Variants in MAB21L4 observed in about 807,000 individuals in gnomAD.
MAB21L4 encodes mab-21 like 4.
A neutral mutation model predicts 32.4 loss-of-function variants in MAB21L4; 25 were observed. The ratio of observed to expected loss-of-function variants is 0.77; its 90% CI spans 0.56 to 1.08. The LOEUF (loss-of-function observed/expected upper bound fraction) is 1.08, where lower values mean the gene tolerates loss of function less well. Ranked by LOEUF, MAB21L4 falls within the 50% of genes least tolerant of loss-of-function variation. MAB21L4 has a pLI of 0.00. For missense variants in MAB21L4, 638 were observed against 611.0 expected (o/e 1.04, Z -0.47); for synonymous variants, 280 against 276.8 (o/e 1.01, Z -0.11).
intron 1 of MAB21L4, among the ~76,000 whole-genome samples, chr2:240,893,760 C>CTCTCTGGGGGCGTGAGGAGCT (rs1295732981): frequency 3.9e-5 from 6 of 152,212 alleles, no homozygotes; most frequent in African/African-American, 1.4e-4. Context: ...CGTGAGGAGC[C>CTCTCTGGGGGCGTGAGGAGCT]TGGCGGCTTA....
Position 240,887,074 on chromosome 2 carries a change from C to T in MAB21L4, c.1340G>A (p.Ser447Asn). Reference sequence around the variant, plus strand: ...GCTGAGACCAGGTGGCCCAGCTCAGCTCTCCTCGCCTCCCAGAGTCCTGGT... The same window carrying T: ...GCTGAGACCAGGTGGCCCAGCTCAGTTCTCCTCGCCTCCCAGAGTCCTGGT... ...QKTRTLGGEE[S>N] Residue 447 changes from serine (S) to asparagine (N), a missense_variant, in exon 5 of 5, where the codon AGC becomes AAC. Ser to Asn is a conservative substitution (Grantham distance 46, BLOSUM62 1). Coordinates refer to ENST00000388934, the MANE Select transcript of MAB21L4 (RefSeq NM_001085437.3). 1 of 1,613,816 alleles carries T rather than the reference C, an allele frequency of 6.2e-7. No individual in the cohort carries two copies.
rs903630809 is a variant in MAB21L4, at chr2:240,890,967, C to T, written c.740+571G>A. Among the ~76,000 whole-genome samples the T allele has an allele frequency of 3.9e-5, 6 of 152,182 alleles. No individual in the cohort carries two copies. The East Asian group carries it at 1.2e-3, about 29-fold the overall frequency. ...AGGGACATAACCAGCTTTGCAAAGC[C>T]CTCCACTGACGAGCGTGGATTCAAC... On this transcript the variant is annotated intron_variant, in intron 2 of 4. Coordinates refer to ENST00000388934, the MANE Select transcript of MAB21L4 (RefSeq NM_001085437.3).
Position 240,891,933 on chromosome 2 carries a change from T to C in MAB21L4, c.515-170A>G. ...GCAGCTCCCCAACCCCAGACACCTG[T>C]GTCCATCCCTGGACCTCAGCCAAGT... On this transcript the variant is annotated intron_variant, in intron 1 of 4. Coordinates refer to ENST00000388934, the MANE Select transcript of MAB21L4 (RefSeq NM_001085437.3). 3 of 1,567,868 alleles carry C rather than the reference T, an allele frequency of 1.9e-6. No homozygotes were observed. The South Asian group carries it at 3.5e-5, about 18-fold the overall frequency.
At chr2:240,887,191 T>C in intron 4 of MAB21L4, 29 bp from the exon 5 acceptor site, 1 of 1,570,868 alleles carries the variant, frequency 6.4e-7, no homozygotes, top group Non-Finnish European at 8.8e-7. Context: ...GGGAGAAGGG[T>C]TACAGGGACC....
At chr2:240,889,255 AG>A (rs1368010671) in intron 3 of MAB21L4, among the ~76,000 whole-genome samples, 1 of 152,174 alleles carries the variant, frequency 6.6e-6, no homozygotes, top group Non-Finnish European at 1.5e-5. Flanking sequence ...TCCAACCTCA[AG>A]GGGGGCTGGA....
At chr2:240,889,784 C>T (rs1273580314) in intron 3 of MAB21L4, among the ~76,000 whole-genome samples, 1 of 152,226 alleles carries the variant, frequency 6.6e-6, no homozygotes, top group Non-Finnish European at 1.5e-5. Context: ...ATGGCGAAGG[C>T]CAGCCTGCGG....
intron 1 of MAB21L4, among the ~76,000 whole-genome samples, chr2:240,894,119 C>G (rs1428108026): frequency 6.6e-6 from 1 of 151,890 alleles, no homozygotes; most frequent in Non-Finnish European, 1.5e-5. Context: ...TGGCAGCACA[C>G]CCTTCCCCAG....
Position 240,889,996 on chromosome 2 carries a change from C to G in MAB21L4, c.894+9G>C, listed in dbSNP as rs1304024775. ...TGACAGACAACCCGCCGAGTCCCGCCCTGGGTACCTTCAGGTGGCCAAAGG... is the reference window on the plus strand; with the variant it reads ...TGACAGACAACCCGCCGAGTCCCGCGCTGGGTACCTTCAGGTGGCCAAAGG... On this transcript the variant is annotated intron_variant, in intron 3 of 4. Transcript: ENST00000388934. The G allele has an allele frequency of 6.2e-7, 1 of 1,602,070 alleles. No individual in the cohort carries two copies. Among genetic ancestry groups the G allele is most frequent in the African/African-American group, 1.3e-5 (1 of 74,884 alleles).
At chr2:240,887,475 T>A (rs34981404) in intron 4 of MAB21L4, among the ~76,000 whole-genome samples, 2,576 of 152,362 alleles carry the variant, frequency 0.017, 60 homozygotes, top group African/African-American at 0.057. Flanking sequence ...ACAGGTCTGC[T>A]GAGAGCACAG....
rs560155161 is a variant in MAB21L4, at chr2:240,888,335, G to C, written c.1208C>G (p.Pro403Arg). ...GAAGTAGGCAGTGGCCCAGTAAGTGGGGTCACTGGCTGGCAGCTGCAGGAG... is the reference window on the plus strand; with the variant it reads ...GAAGTAGGCAGTGGCCCAGTAAGTGCGGTCACTGGCTGGCAGCTGCAGGAG... ...KALLQLPASD[P>R]TYWATAYFDV... The change falls in exon 4 of 5, where the codon CCC becomes CGC. Residue 403 changes from proline (P) to arginine (R), a missense_variant. By Grantham distance (103) the Pro-to-Arg change is moderately radical. Coordinates refer to ENST00000388934, the MANE Select transcript of MAB21L4 (RefSeq NM_001085437.3). 15 of 1,585,698 alleles carry C rather than the reference G, an allele frequency of 9.5e-6. No homozygotes were observed. The highest frequency in any genetic ancestry group is 1.3e-5 in the Non-Finnish European group (15 of 1,169,412).
Position 240,895,648 on chromosome 2 carries a change from C to T in MAB21L4, c.350G>A (p.Gly117Glu), listed in dbSNP as rs370356906. 13 of 1,612,842 alleles carry T rather than the reference C, an allele frequency of 8.1e-6. No individual in the cohort carries two copies. In the African/African-American group the frequency reaches 1.3e-4, roughly 17 times the overall value. Residue 117 changes from glycine to glutamate, a missense_variant, in exon 1 of 5, where the codon GGG (glycine) becomes GAG (glutamate). Physicochemically the swap from Gly to Glu is moderately conservative, Grantham distance 98. Coordinates refer to ENST00000388934, the MANE Select transcript of MAB21L4 (RefSeq NM_001085437.3). ...ELCHLGVPRE[G>E]AGLERWTTED... ...GGTGGTCCACCGCTCCAGGCCAGCC[C>T]CTTCCCTGGGCACACCCAGGTGGCA...
chr2:240,893,586 G>A (rs1392911573), intron 1 of MAB21L4, among the ~76,000 whole-genome samples: 2 of 152,226 alleles, frequency 1.3e-5, no homozygotes, highest in Non-Finnish European at 2.9e-5. Context: ...TTCCCAGGGT[G>A]GGGGCAGCCT....
chr2:240,888,691 GC>G, intron 3 of MAB21L4, 43 bp from the exon 4 acceptor site: 1 of 1,310,554 alleles, frequency 7.6e-7, no homozygotes, highest in Non-Finnish European at 9.8e-7. Flanking sequence ...GGCCCACCCG[GC>G]CCACCCTGTG....
rs138648049 is a variant in MAB21L4 at position 240,888,343 on chromosome 2, G to T, written c.1200C>A (p.Ala400=). The T allele has an allele frequency of 1.3e-5, 21 of 1,583,432 alleles. No individual in the cohort carries two copies. Among genetic ancestry groups the T allele is most frequent in the Non-Finnish European group, 1.8e-5 (21 of 1,168,012 alleles). ...SGLKALLQLP[A]SDPTYWATAY... ...CAGTGGCCCAGTAAGTGGGGTCACT[G>T]GCTGGCAGCTGCAGGAGCGCCTTGA... is the stretch of plus-strand genomic sequence containing the variant. Residue 400 remains alanine, a synonymous_variant, in exon 4 of 5, where the codon GCC becomes GCA. Transcript: ENST00000388934.
At chr2:240,889,109 C>T (rs1056093244) in intron 3 of MAB21L4, among the ~76,000 whole-genome samples, 15 of 152,230 alleles carry the variant, frequency 9.9e-5, no homozygotes, top group African/African-American at 3.1e-4. Flanking sequence ...TGCCTGCGGC[C>T]GTTCCAGACA....
upstream of MAB21L4, among the ~76,000 whole-genome samples, chr2:240,896,323 C>T (rs1173682549): frequency 2.0e-5 from 3 of 152,226 alleles, no homozygotes; most frequent in South Asian, 4.1e-4. Context: ...GCCCAAGGCA[C>T]GGCCCCTGTC....
intron 1 of MAB21L4, chr2:240,892,011 C>G: frequency 6.7e-7 from 1 of 1,502,574 alleles, no homozygotes; most frequent in Non-Finnish European, 8.9e-7. Flanking sequence ...GCACAACTGT[C>G]AGCTCAGCGA....
Position 240,895,590 on chromosome 2 carries a change from G to T in MAB21L4, c.408C>A (p.Asp136Glu), listed in dbSNP as rs746191324. 2 of 1,612,600 alleles carry T rather than the reference G, an allele frequency of 1.2e-6. No homozygotes were observed. The highest frequency in any genetic ancestry group is 1.7e-5 in the Admixed American group (1 of 59,974). ...EDTFTASSEG[D>E]AKCRGHIVPS... ...GCACAATGTGTCCACGGCACTTGGC[G>T]TCACCCTCCGAGGAGGCAGTGAAGG... The change falls in exon 1 of 5, where the codon GAC (aspartate) becomes GAA (glutamate). Residue 136 changes from aspartate (D) to glutamate (E), a missense_variant. Coordinates refer to ENST00000388934, the MANE Select transcript of MAB21L4 (RefSeq NM_001085437.3).
chr2:240,890,716 G>A (rs1301297775), intron 2 of MAB21L4, among the ~76,000 whole-genome samples: 7 of 152,190 alleles, frequency 4.6e-5, no homozygotes, highest in African/African-American at 1.4e-4. Context: ...CGCGCCCAGT[G>A]TCCCCCGCAA....
Sources: gnomAD v4.1 joint callset for allele counts (sites outside exome capture counted in the v4.1 genomes callset) on GRCh38, gnomAD v4.1.1 for gene constraint, MANE v1.5 for transcripts, NCBI Gene and HGNC (gene_info 2026-07-23, HGNC 2026-07-21) for gene names.